The following A1CF variants were observed in gnomAD, a reference collection of about 807,000 sequenced individuals.
A1CF encodes the protein APOBEC1 complementation factor.
Under a neutral mutation model 68.9 loss-of-function variants are expected in A1CF, and 48 were observed. The ratio of observed to expected loss-of-function variants is 0.70; its 90% CI spans 0.55 to 0.89. A1CF has a LOEUF of 0.89. Ranked by LOEUF, A1CF falls within the 40% of genes least tolerant of loss-of-function variation. A1CF has a pLI of 0.00. For synonymous variants in A1CF, 272 were observed against 260.4 expected, an observed-to-expected ratio of 1.04 and a Z score of -0.43; for missense variants, 653 against 718.9, an observed-to-expected ratio of 0.91 and a Z score of 1.05.
intron 7 of A1CF, among the ~76,000 whole-genome samples, chr10:50,821,904 T>C (rs1322195859): frequency 6.6e-6 from 1 of 152,190 alleles, no homozygotes; most frequent in Non-Finnish European, 1.5e-5. Flanking sequence ...TTTGTGTTTT[T>C]AATAATCCAA....
chr10:50,871,857 A>G lies in A1CF; in HGVS notation c.-93-7777T>C, dbSNP rs147421912. The stretch of plus-strand genomic sequence containing the variant: ...TAGAGTGTTTTTATAATCTCATGGT[A>G]CAGAAGGTCTTCTAAACCAAGCATA... On this transcript the variant is annotated intron_variant, in intron 1 of 12. Transcript: ENST00000373997. 1.1e-3 allele frequency among the ~76,000 whole-genome samples: 167 copies of G among 152,248 alleles called. 1 individual carries two copies. The highest frequency in any genetic ancestry group is 3.9e-3 in the African/African-American group (161 of 41,588).
At chr10:50,806,985 A>G (rs967408733) in intron 12 of A1CF, 105 bp from the exon 13 acceptor site, 5 of 1,175,570 alleles carry the variant, frequency 4.3e-6, no homozygotes, top group Non-Finnish European at 5.9e-6. Flanking sequence ...TATTGCTTAA[A>G]GCTAAAAGTT....
intron 12 of A1CF, among the ~76,000 whole-genome samples, chr10:50,808,500 C>G (rs1273378812): frequency 2.0e-5 from 3 of 152,194 alleles, no homozygotes; most frequent in Admixed American, 2.0e-4. Context: ...TCAACTTTCT[C>G]TAGGAACTGA....
In A1CF at chr10:50,803,985, CT is replaced by C. The variant is rs1751382854; in HGVS notation, c.*2743del. The C allele has an allele frequency of 6.6e-6, 1 of 152,134 alleles. No individual in the cohort carries two copies. The highest frequency in any genetic ancestry group is 1.5e-5 in the Non-Finnish European group (1 of 67,994). The allele number at this position is 152,134 out of a possible 1,614,324, so 9.4% of individuals were successfully genotyped here. A position where few individuals can be genotyped will look rare whatever the true frequency, so the allele number is the denominator to read the frequency against. ...AGCCCGTTGTCTTAATAATTTTAAA[CT>C]TATGGTAGCAGGACTTGCTCTATCT... On this transcript the variant is annotated 3_prime_UTR_variant, in exon 13 of 13. Transcript: ENST00000373997.
intron 1 of A1CF, among the ~76,000 whole-genome samples, chr10:50,882,329 G>A (rs1316885326): frequency 2.6e-5 from 4 of 151,942 alleles, no homozygotes; most frequent in South Asian, 2.1e-4. Context: ...CCAGCTACTC[G>A]GGAGGCTGAG....
chr10:50,834,480 T>C (rs1426737503), intron 6 of A1CF, among the ~76,000 whole-genome samples: 1 of 152,158 alleles, frequency 6.6e-6, no homozygotes. Flanking sequence ...GTCATTGAGG[T>C]GTCTGTCCTG....
At chr10:50,862,396 A>G (rs1840789132) in intron 2 of A1CF, among the ~76,000 whole-genome samples, 1 of 152,070 alleles carries the variant, frequency 6.6e-6, no homozygotes, top group East Asian at 1.9e-4. Flanking sequence ...TTTCATTATA[A>G]TTTAGAACAT....
intron 5 of A1CF, among the ~76,000 whole-genome samples, chr10:50,841,408 T>C (rs1008209510): frequency 2.0e-5 from 3 of 152,230 alleles, no homozygotes; most frequent in Non-Finnish European, 4.4e-5. Context: ...ACTGGCTCTT[T>C]TCATTCAAGT....
chr10:50,829,831 A>G (rs989079986), intron 6 of A1CF, among the ~76,000 whole-genome samples: 1 of 152,190 alleles, frequency 6.6e-6, no homozygotes, highest in Non-Finnish European at 1.5e-5. Context: ...CCTGGGTTCC[A>G]CCCAGTGATG....
intron 12 of A1CF, among the ~76,000 whole-genome samples, chr10:50,807,417 G>A (rs1020080264): frequency 1.8e-4 from 27 of 152,232 alleles, no homozygotes; most frequent in African/African-American, 5.5e-4. Flanking sequence ...TAAAGGTTAA[G>A]TGTGCTTTTC....
rs754633996 is a variant in A1CF, at chr10:50,809,932, G to T, written c.1571C>A (p.Thr524Asn). ...AGCAGCAGCAGCAGCAGTAGCCATGGTGCCATCGCCTCCATCAGTGGGGAT... is the reference window on the plus strand; with the variant it reads ...AGCAGCAGCAGCAGCAGTAGCCATGTTGCCATCGCCTCCATCAGTGGGGAT... ...LGIPTDGGDG[T>N]MATAAAAATA... Residue 524 changes from threonine to asparagine, a missense_variant, in exon 12 of 13, where the codon ACC (threonine) becomes AAC (asparagine). By Grantham distance (65) the Thr-to-Asn change is moderately conservative. Transcript: ENST00000373997. The T allele has an allele frequency of 1.4e-5, 23 of 1,613,892 alleles. No individual in the cohort carries two copies. In the African/African-American group the frequency reaches 2.8e-4, roughly 20 times the overall value.
At chr10:50,813,816 G>A (rs1404392385) in intron 10 of A1CF, 41 bp downstream of exon 10, 12 of 1,589,558 alleles carry the variant, frequency 7.5e-6, no homozygotes, top group Non-Finnish European at 1.0e-5. Flanking sequence ...ATGCTCATTG[G>A]CACAACTTAA....
intron 1 of A1CF, among the ~76,000 whole-genome samples, chr10:50,872,159 A>G (rs1564534004): frequency 6.6e-6 from 1 of 152,180 alleles, no homozygotes; most frequent in Admixed American, 6.6e-5. Flanking sequence ...TTTAGTGATC[A>G]GGAAAAGGCA....
chr10:50,846,569 A>G (rs1840010680), intron 3 of A1CF, among the ~76,000 whole-genome samples: 1 of 152,216 alleles, frequency 6.6e-6, no homozygotes. Context: ...TAATCTCATA[A>G]TAGTAAAATG....
chr10:50,811,275 A>G (rs1019043656), intron 10 of A1CF, 99 bp from the exon 11 acceptor site: 4 of 1,216,574 alleles, frequency 3.3e-6, no homozygotes, highest in Admixed American at 2.6e-5. Flanking sequence ...AGTTCAAGCT[A>G]GTATCTGAAG....
Position 50,823,868 on chromosome 10 carries a change from T to C in A1CF, c.770-3219A>G, listed in dbSNP as rs531581503. The stretch of plus-strand genomic sequence containing the variant: ...TACGTGGTCAAATATTTTGAGGTAA[T>C]ATGTAGGTTCCTCTGAGGGACCTAA... On this transcript the variant is annotated intron_variant, in intron 7 of 12. Coordinates refer to ENST00000373997, the MANE Select transcript of A1CF (RefSeq NM_014576.4). 3.3e-5 allele frequency: 5 copies of C among 152,252 alleles called. No homozygotes were observed. In the East Asian group the frequency reaches 7.7e-4, roughly 24 times the overall value. The allele number at this position is 152,252 out of a possible 1,614,324, so 9.4% of individuals were successfully genotyped here.
At chr10:50,827,291 C>A (rs1313245681) in intron 7 of A1CF, among the ~76,000 whole-genome samples, 1 of 152,200 alleles carries the variant, frequency 6.6e-6, no homozygotes, top group Non-Finnish European at 1.5e-5. Flanking sequence ...ACCTAATAGA[C>A]ATCTACAGAA....
At chr10:50,850,272 T>G (rs1840180887) in intron 3 of A1CF, among the ~76,000 whole-genome samples, 1 of 152,266 alleles carries the variant, frequency 6.6e-6, no homozygotes, top group African/African-American at 2.4e-5. Flanking sequence ...CCAATTTCAC[T>G]TGAAGTTGTT....
At chr10:50,842,185 CTGATTCA>C (rs776931606) in intron 4 of A1CF, among the ~76,000 whole-genome samples, 193 bp from the exon 5 acceptor site, 2 of 152,202 alleles carry the variant, frequency 1.3e-5, no homozygotes, top group Non-Finnish European at 2.9e-5. Flanking sequence ...GATCAGTTAT[CTGATTCA>C]TGAGAGAAGT....
Sources: allele counts gnomAD v4.1 joint callset (sites outside exome capture counted in the v4.1 genomes callset), GRCh38; gene constraint gnomAD v4.1.1; transcripts MANE v1.5; gene names NCBI Gene and HGNC (gene_info 2026-07-23, HGNC 2026-07-21).